The following ADAM22 variants were observed in gnomAD, a reference collection of about 807,000 sequenced individuals.
ADAM22 encodes disintegrin and metalloproteinase domain-containing protein 22.
In ADAM22, 65 loss-of-function variants were observed where a neutral mutation model predicts 144.6. The ratio of observed to expected loss-of-function variants is 0.45; its 90% CI spans 0.37 to 0.55. The LOEUF is 0.55. Among genes scored for constraint, ADAM22 ranks in the 20% least tolerant of loss-of-function variants. ADAM22 has a pLI of 0.00. For synonymous variants in ADAM22, 391 were observed against 412.6 expected (o/e 0.95, Z 0.63); for missense variants, 974 against 1,184.9 (o/e 0.82, Z 2.61).
At chr7:87,974,240 C>T (rs1424643497) in intron 2 of ADAM22, among the ~76,000 whole-genome samples, 2 of 148,970 alleles carry the variant, frequency 1.3e-5, no homozygotes, top group East Asian at 3.9e-4. Context: ...GGAGGCAGAG[C>T]TTGCAGTGAG....
intron 3 of ADAM22, among the ~76,000 whole-genome samples, chr7:88,049,692 C>T (rs775264923): frequency 2.4e-4 from 36 of 152,112 alleles, no homozygotes; most frequent in Non-Finnish European, 3.8e-4. Context: ...CAAGTGCACC[C>T]GGCCTACCGT....
intron 20 of ADAM22, among the ~76,000 whole-genome samples, chr7:88,152,476 G>C (rs1416140921): frequency 6.6e-6 from 1 of 152,084 alleles, no homozygotes; most frequent in Non-Finnish European, 1.5e-5. Flanking sequence ...CTAAGAAGTG[G>C]GGAGCAAGGT....
chr7:88,068,284 TTTG>T (rs1251575036), intron 3 of ADAM22, among the ~76,000 whole-genome samples: 1 of 152,154 alleles, frequency 6.6e-6, no homozygotes, highest in Non-Finnish European at 1.5e-5. Flanking sequence ...AAGCTCATAA[TTTG>T]TTATTCCTCT....
intron 3 of ADAM22, among the ~76,000 whole-genome samples, chr7:87,980,309 C>T (rs1179215751): frequency 6.8e-5 from 2 of 29,598 alleles, no homozygotes; most frequent in Admixed American, 2.4e-4. Context: ...TGCCTGGGAT[C>T]GATGTTAAAC....
chr7:88,012,104 A>G lies in ADAM22; in HGVS notation c.323+33692A>G, dbSNP rs1795579744. Among the ~76,000 whole-genome samples, 5 of 149,290 alleles carry G rather than the reference A, an allele frequency of 3.3e-5. No homozygotes were observed. The South Asian group carries it at 8.4e-4, about 25-fold the overall frequency. On this transcript the variant is annotated intron_variant, in intron 3 of 31. Coordinates refer to ENST00000413139, the MANE Select transcript of ADAM22 (RefSeq NM_001324418.2). ...TGTGGACATAGCTTCAAACTCACTG[A>G]TTCTTTCCTCAGTTGTGTCCAGTCT...
intron 2 of ADAM22, among the ~76,000 whole-genome samples, chr7:87,940,594 A>G (rs1035230738): frequency 3.3e-5 from 5 of 152,192 alleles, no homozygotes; most frequent in Non-Finnish European, 7.4e-5. Context: ...ACTTGAATGC[A>G]TATACTTTAT....
chr7:88,114,632 A>C lies in ADAM22; in HGVS notation c.522A>C (p.Glu174Asp), dbSNP rs760954016. The C allele has an allele frequency of 6.2e-7, 1 of 1,613,952 alleles. No homozygotes were observed. Among genetic ancestry groups the C allele is most frequent in the South Asian group, 1.1e-5 (1 of 91,066 alleles). The change falls in exon 6 of 32, where the codon GAA (glutamate) becomes GAC (aspartate). Residue 174 changes from glutamate (E) to aspartate (D), a missense_variant. Physicochemically the swap from Glu to Asp is conservative, Grantham distance 45. This residue lies in a region of ADAM22 where 240 missense variants were observed against 234.3 expected (regional missense o/e 1.02). Coordinates refer to ENST00000413139, the MANE Select transcript of ADAM22 (RefSeq NM_001324418.2). ...ACACATATCTCATTGAGCCAGAAGA[A>C]AATGACACTACTCAAGTAAGTGCTC... ...GNHTYLIEPEENDTTQEDFHF... is the reference protein window; with the variant it reads ...GNHTYLIEPEDNDTTQEDFHF...
intron 14 of ADAM22, 36 bp downstream of exon 14, chr7:88,136,067 C>G: frequency 3.1e-6 from 5 of 1,587,966 alleles, no homozygotes; most frequent in Non-Finnish European, 4.3e-6. Flanking sequence ...CTCAGTCTTA[C>G]ATTCCCTGCT....
At position 88,171,627 on chromosome 7, in the gene ADAM22, T is replaced by C. The variant is rs540491239; in HGVS notation, c.2300+66T>C. On this transcript the variant is annotated intron_variant, in intron 26 of 31. Transcript: ENST00000413139. ...TGACTCATATTAGCATTGTTGGAAT[T>C]CATACATGCAATTATAATTAAGTTC... 58 of 1,348,112 alleles carry C rather than the reference T, an allele frequency of 4.3e-5. 1 individual carries two copies. The South Asian group carries it at 8.0e-4, about 19-fold the overall frequency. The allele number at this position is 1,348,112 out of a possible 1,614,324, so 83.5% of individuals were successfully genotyped here.
intron 31 of ADAM22, among the ~76,000 whole-genome samples, chr7:88,194,053 C>A (rs1301078644): frequency 2.0e-5 from 3 of 152,166 alleles, no homozygotes; most frequent in African/African-American, 7.2e-5. Context: ...AATTCAGATT[C>A]CCAGCACTCA....
At chr7:88,028,020 A>G (rs1362480338) in intron 3 of ADAM22, among the ~76,000 whole-genome samples, 1 of 152,090 alleles carries the variant, frequency 6.6e-6, no homozygotes, top group African/African-American at 2.4e-5. Context: ...CCTGACCTCA[A>G]GTGATCTGCC....
At chr7:87,987,518 A>C (rs1307954913) in intron 3 of ADAM22, among the ~76,000 whole-genome samples, 1 of 152,216 alleles carries the variant, frequency 6.6e-6, no homozygotes, top group Non-Finnish European at 1.5e-5. Flanking sequence ...ATTATCTAGC[A>C]GTGATAGTGG....
chr7:88,131,587 T>A, intron 11 of ADAM22, 152 bp downstream of exon 11: 1 of 637,992 alleles, frequency 1.6e-6, no homozygotes, highest in Non-Finnish European at 2.6e-6. Flanking sequence ...AAGTATAGAT[T>A]GCTTAAAATT....
intron 3 of ADAM22, among the ~76,000 whole-genome samples, chr7:88,025,349 T>C (rs991546860): frequency 3.3e-5 from 5 of 152,220 alleles, no homozygotes; most frequent in Non-Finnish European, 7.3e-5. Context: ...TTGATTGTTT[T>C]CTTTGCTGTG....
At chr7:88,187,968 A>G (rs879520580) in intron 30 of ADAM22, among the ~76,000 whole-genome samples, 26 of 151,354 alleles carry the variant, frequency 1.7e-4, no homozygotes, top group Non-Finnish European at 3.2e-4. Flanking sequence ...ACTTTCCCAC[A>G]CTGAACCTCA....
At chr7:88,060,731 C>G (rs1480377323) in intron 3 of ADAM22, among the ~76,000 whole-genome samples, 1 of 147,900 alleles carries the variant, frequency 6.8e-6, no homozygotes, top group Non-Finnish European at 1.5e-5. Flanking sequence ...TGTGCCACTG[C>G]ACTCCACCCT....
intron 19 of ADAM22, 53 bp downstream of exon 19, chr7:88,151,084 A>C: frequency 6.3e-7 from 1 of 1,574,932 alleles, no homozygotes; most frequent in South Asian, 1.1e-5. Flanking sequence ...CATGAAAGGA[A>C]TACTGAAATC....
intron 3 of ADAM22, among the ~76,000 whole-genome samples, chr7:87,990,973 C>G (rs1350390470): frequency 6.6e-6 from 1 of 152,090 alleles, no homozygotes; most frequent in Non-Finnish European, 1.5e-5. Context: ...CTTTCTCCCT[C>G]TTTTAAAATA....
At chr7:87,971,586 G>T (rs1850448126) in intron 2 of ADAM22, among the ~76,000 whole-genome samples, 1 of 152,106 alleles carries the variant, frequency 6.6e-6, no homozygotes, top group Admixed American at 6.6e-5. Flanking sequence ...TGGCATTTCT[G>T]CAAAATTACG....
Sources: allele counts gnomAD v4.1 joint callset (sites outside exome capture counted in the v4.1 genomes callset), GRCh38; gene constraint gnomAD v4.1.1; regional missense constraint gnomAD v4.1.1; transcripts MANE v1.5; gene names NCBI Gene and HGNC (gene_info 2026-07-23, HGNC 2026-07-21).